EXD1: variants seen among roughly 807,000 people sequenced by gnomAD.
EXD1 encodes piRNA biogenesis protein EXD1.
In EXD1, 63 loss-of-function variants were observed where a neutral mutation model predicts 49.1. The observed-to-expected ratio is 1.28, with a 90% CI of 1.05 to 1.58. The LOEUF (loss-of-function observed/expected upper bound fraction) is 1.58, where lower values mean the gene tolerates loss of function less well. Among genes scored for constraint, EXD1 ranks in the 40% most tolerant of loss-of-function variants. EXD1 has a pLI of 0.00. For missense variants in EXD1, 748 were observed against 666.0 expected, an observed-to-expected ratio of 1.12 and a Z score of -1.36; for synonymous variants, 234 against 239.2, an observed-to-expected ratio of 0.98 and a Z score of 0.20.
intron 7 of EXD1, among the ~76,000 whole-genome samples, chr15:41,208,499 T>C (rs1390089131): frequency 6.6e-6 from 1 of 151,474 alleles, no homozygotes; most frequent in Non-Finnish European, 1.5e-5. Flanking sequence ...ACGTCTGTAA[T>C]CCTAGTACTT....
At chr15:41,192,651 A>G (rs996449137) in intron 9 of EXD1, among the ~76,000 whole-genome samples, 6 of 107,912 alleles carry the variant, frequency 5.6e-5, no homozygotes, top group Non-Finnish European at 1.0e-4. Context: ...GTCTTGCTCT[A>G]TCTCCCAGGA....
At chr15:41,225,796 G>A (rs2047154804) in intron 2 of EXD1, among the ~76,000 whole-genome samples, 1 of 151,804 alleles carries the variant, frequency 6.6e-6, no homozygotes, top group Non-Finnish European at 1.5e-5. Context: ...GCTGAGGCAG[G>A]AGAATCACTT....
intron 3 of EXD1, 84 bp downstream of exon 3, chr15:41,219,746 T>G (rs973920508): frequency 8.6e-7 from 1 of 1,161,428 alleles, no homozygotes; most frequent in Admixed American, 2.2e-5. Flanking sequence ...TAAGAATCCA[T>G]AAGCACAACA....
At chr15:41,199,753 A>AATATCTCATATATG (rs1326775145) in intron 7 of EXD1, among the ~76,000 whole-genome samples, 1 of 96,890 alleles carries the variant, frequency 1.0e-5, no homozygotes, top group Non-Finnish European at 1.9e-5. Context: ...TATATTATAT[A>AATATCTCATATATG]TGATACATAT....
At chr15:41,209,026 C>G (rs949009949) in intron 7 of EXD1, among the ~76,000 whole-genome samples, 1 of 151,666 alleles carries the variant, frequency 6.6e-6, no homozygotes, top group Non-Finnish European at 1.5e-5. Context: ...GAGACAGAAG[C>G]TCTCTCCTTT....
At chr15:41,217,269 CAT>C (rs2047014534) in intron 3 of EXD1, 115 bp from the exon 4 acceptor site, 4 of 821,602 alleles carry the variant, frequency 4.9e-6, no homozygotes, top group Non-Finnish European at 7.7e-6. Flanking sequence ...TTGGAAATGA[CAT>C]GTTAGTCCAC....
At chr15:41,200,073 T>C (rs2046704062) in intron 7 of EXD1, among the ~76,000 whole-genome samples, 1 of 151,410 alleles carries the variant, frequency 6.6e-6, no homozygotes, top group African/African-American at 2.4e-5. Context: ...TTGGCTAATT[T>C]TTTTGTATTT....
rs58793050 is a variant in EXD1 at position 41,186,470 on chromosome 15, C to CAAAAA, written c.1057-1882_1057-1878dup. ...CTGGGTGATGAGCAAGACTCTGTCTCAAAAAAAAAAAAAAAAAAATCAGAA... is the reference window on the plus strand; with the variant it reads ...CTGGGTGATGAGCAAGACTCTGTCTCAAAAAAAAAAAAAAAAAAAAAAAATCAGAA... On this transcript the variant is annotated intron_variant, in intron 11 of 11. Transcript: ENST00000458580. Among the ~76,000 whole-genome samples the CAAAAA allele has an allele frequency of 1.9e-3, 133 of 68,280 alleles. 2 individuals carry two copies. Among genetic ancestry groups the CAAAAA allele is most frequent in the Middle Eastern group, 0.01 (1 of 96 alleles). The allele number at this position is 68,280 out of a possible 152,430, so 44.8% of individuals were successfully genotyped here.
intron 10 of EXD1, 143 bp downstream of exon 10, chr15:41,191,299 A>C: frequency 1.4e-6 from 1 of 723,680 alleles, no homozygotes; most frequent in South Asian, 2.0e-5. Flanking sequence ...GATATAAACC[A>C]TTCCCATTTG....
At chr15:41,227,667 C>A in intron 1 of EXD1, among the ~76,000 whole-genome samples, 1 of 118,836 alleles carries the variant, frequency 8.4e-6, no homozygotes, top group Non-Finnish European at 1.6e-5. Context: ...GACAGAGCAA[C>A]ACTGTCTCAA....
At chr15:41,185,126 C>T (rs1003908998) in intron 11 of EXD1, among the ~76,000 whole-genome samples, 3 of 152,130 alleles carry the variant, frequency 2.0e-5, no homozygotes, top group Admixed American at 6.6e-5. Flanking sequence ...TGTGTATGCA[C>T]GTATGTATAA....
At chr15:41,208,078 T>C (rs1372252592) in intron 7 of EXD1, among the ~76,000 whole-genome samples, 1 of 151,504 alleles carries the variant, frequency 6.6e-6, no homozygotes, top group Non-Finnish European at 1.5e-5. Flanking sequence ...CATGTTCCTC[T>C]GATACCCAGA....
chr15:41,192,594 A>ATTTT lies in EXD1; in HGVS notation c.721-1013_721-1010dup, dbSNP rs59054803. ...ACAGGCGTGAACCACTGCGCCAGGCATTTTTTTTTTTTTTTTTTTTTTTTT... is the reference window on the plus strand; with the variant it reads ...ACAGGCGTGAACCACTGCGCCAGGCATTTTTTTTTTTTTTTTTTTTTTTTTTTTT... On this transcript the variant is annotated intron_variant, in intron 9 of 11. Transcript: ENST00000458580. Among the ~76,000 whole-genome samples the ATTTT allele has an allele frequency of 2.7e-4, 11 of 40,876 alleles. 3 individuals are homozygous for ATTTT. Among genetic ancestry groups the ATTTT allele is most frequent in the Non-Finnish European group, 3.3e-4 (6 of 18,054 alleles). 26.8% of individuals were successfully genotyped at this position (40,876 alleles called of 152,430 possible).
intron 9 of EXD1, among the ~76,000 whole-genome samples, chr15:41,194,356 C>A (rs558584231): frequency 3.0e-4 from 45 of 152,108 alleles, no homozygotes; most frequent in African/African-American, 1.1e-3. Flanking sequence ...GATTTTACTA[C>A]AGTCAGAGGA....
rs2046376860 is a variant in EXD1, at chr15:41,184,586, C to T, written c.1064G>A (p.Cys355Tyr). ...ADRLGGTEPTCMELPEELLQL... is the reference protein window; with the variant it reads ...ADRLGGTEPTYMELPEELLQL... ...AAGCAGTTCCTCTGGCAGCTCCATA[C>T]ATGTAGGCTAAGAAGAGAAAGCGAA... is the stretch of plus-strand genomic sequence containing the variant. The change falls in exon 12 of 12, where the codon TGT becomes TAT. Residue 355 changes from cysteine (C) to tyrosine (Y), a missense_variant. Transcript: ENST00000458580. The T allele has an allele frequency of 3.8e-6, 6 of 1,580,164 alleles. No homozygotes were observed. The highest frequency in any genetic ancestry group is 5.1e-6 in the Non-Finnish European group (6 of 1,168,480).
At chr15:41,228,022 C>T (rs2047189146) in intron 1 of EXD1, among the ~76,000 whole-genome samples, 1 of 152,106 alleles carries the variant, frequency 6.6e-6, no homozygotes, top group South Asian at 2.1e-4. Context: ...TGCACTCCAG[C>T]CTGGGAGACA....
intron 7 of EXD1, among the ~76,000 whole-genome samples, chr15:41,203,650 C>T (rs1424007611): frequency 6.6e-6 from 1 of 152,040 alleles, no homozygotes; most frequent in Non-Finnish European, 1.5e-5. Flanking sequence ...GGTGTGGTGG[C>T]TCACACCTGT....
chr15:41,203,916 C>CAAAAAA lies in EXD1; in HGVS notation c.534+5579_534+5584dup, dbSNP rs1187093511. ...TGGGCAAAAGAGCAAGACTTCTCCT[C>CAAAAAA]AAAAAAAAAAAAAAAAAAAAAAAAA... On this transcript the variant is annotated intron_variant, in intron 7 of 11. Transcript: ENST00000458580. Among the ~76,000 whole-genome samples the CAAAAAA allele has an allele frequency of 4.3e-3, 99 of 23,240 alleles. 10 individuals carry two copies. Among genetic ancestry groups the CAAAAAA allele is most frequent in the East Asian group, 0.018 (7 of 396 alleles). 15.2% of individuals were successfully genotyped at this position (23,240 alleles called of 152,430 possible).
At chr15:41,213,963 G>C (rs2046961151) in intron 6 of EXD1, among the ~76,000 whole-genome samples, 1 of 151,946 alleles carries the variant, frequency 6.6e-6, no homozygotes, top group South Asian at 2.1e-4. Flanking sequence ...ACAACCTGTT[G>C]TTGACCATCC....
Sources: allele counts gnomAD v4.1 joint callset (sites outside exome capture counted in the v4.1 genomes callset), GRCh38; gene constraint gnomAD v4.1.1; transcripts MANE v1.5; gene names NCBI Gene and HGNC (gene_info 2026-07-23, HGNC 2026-07-21).